Variants in C10orf71 observed in about 807,000 individuals in gnomAD.
C10orf71 encodes the protein cardiac-enriched FHL2-interacting protein.
For synonymous variants in C10orf71, 758 were observed against 726.3 expected (o/e 1.04, Z -0.70); for missense variants, 1,869 against 1,804.5 (o/e 1.04, Z -0.65).
chr10:49,299,670 G>C (rs139400363), intron 1 of C10orf71, among the ~76,000 whole-genome samples: 1 of 152,196 alleles, frequency 6.6e-6, no homozygotes, highest in African/African-American at 2.4e-5. Context: ...ACCCGGAACC[G>C]TGTACATGTG....
chr10:49,308,449 C>T (rs542425292), intron 1 of C10orf71, among the ~76,000 whole-genome samples: 28 of 152,286 alleles, frequency 1.8e-4, no homozygotes, highest in African/African-American at 5.8e-4. Context: ...CAAGCCAGGC[C>T]AGGCTGCAGG....
chr10:49,314,987 G>A (rs1848975041), intron 1 of C10orf71, among the ~76,000 whole-genome samples: 1 of 152,284 alleles, frequency 6.6e-6, no homozygotes, highest in Admixed American at 6.5e-5. Flanking sequence ...AGTGAGGAGG[G>A]AAAGCAGCGA....
Position 49,323,846 on chromosome 10 carries a change from A to G in C10orf71, c.1301A>G (p.Asn434Ser). The change falls in exon 3 of 3, where the codon AAT (asparagine) becomes AGT (serine). Residue 434 changes from asparagine to serine, a missense_variant. Transcript: ENST00000374144. ...GCTCTTGACCTGCCTGTGGAACCCA[A>G]TGAACATTATGATCCCCCCTTTAAC... ...NNALDLPVEPNEHYDPPFNIS... is the reference protein window; with the variant it reads ...NNALDLPVEPSEHYDPPFNIS... 6.2e-7 allele frequency: 1 copy of G among 1,613,906 alleles called. No homozygotes were observed. The highest frequency in any genetic ancestry group is 8.5e-7 in the Non-Finnish European group (1 of 1,179,868).
chr10:49,299,947 C>T (rs1311980823), intron 1 of C10orf71, among the ~76,000 whole-genome samples: 1 of 152,238 alleles, frequency 6.6e-6, no homozygotes. Context: ...ACAAAGCCCG[C>T]CACAGGCTGC....
intron 2 of C10orf71, among the ~76,000 whole-genome samples, chr10:49,317,006 T>A (rs546738052): frequency 6.6e-6 from 1 of 152,224 alleles, no homozygotes; most frequent in South Asian, 2.1e-4. Context: ...GTTGACTCTA[T>A]CTAAGCTTCT....
rs758192662 is a variant in C10orf71, at chr10:49,323,360, G to C, written c.815G>C (p.Ser272Thr). 10 of 1,613,944 alleles carry C rather than the reference G, an allele frequency of 6.2e-6. No homozygotes were observed. The South Asian group carries it at 9.9e-5, about 16-fold the overall frequency. ...AGAGGCAAAGGTACCTTTCTGCACA[G>C]TGAAAATAGTGCTTTTGAGTCATGG... ...PGRGKGTFLH[S>T]ENSAFESWNA... is the part of the protein sequence containing the mutation. The change falls in exon 3 of 3, where the codon AGT becomes ACT. Residue 272 changes from serine to threonine, a missense_variant. Coordinates refer to ENST00000374144, the MANE Select transcript of C10orf71 (RefSeq NM_001135196.2).
At chr10:49,309,977 G>A (rs779581352) in intron 1 of C10orf71, among the ~76,000 whole-genome samples, 11 of 152,158 alleles carry the variant, frequency 7.2e-5, no homozygotes, top group Admixed American at 2.0e-4. Context: ...AAATTCACCC[G>A]AAGATCTTGG....
chr10:49,301,993 C>A (rs1356550648), intron 1 of C10orf71, among the ~76,000 whole-genome samples: 2 of 152,148 alleles, frequency 1.3e-5, no homozygotes, highest in African/African-American at 4.8e-5. Context: ...TCACTACTAA[C>A]CCCCTTCCCA....
At chr10:49,319,099 A>G (rs1590334778) in intron 2 of C10orf71, among the ~76,000 whole-genome samples, 1 of 152,346 alleles carries the variant, frequency 6.6e-6, no homozygotes, top group South Asian at 2.1e-4. Context: ...ACCCTGCCAG[A>G]TGTCCACTCT....
chr10:49,324,387 T>C lies in C10orf71; in HGVS notation c.1842T>C (p.Tyr614=). Residue 614 remains tyrosine, a synonymous_variant, in exon 3 of 3, where the codon TAT becomes TAC. Transcript: ENST00000374144. ...GGGAGGCTGCTGAGAGAAGCAGTTA[T>C]GAGAACAAGGAGGTGGAAGGAGAGT... ...VNGEAAERSS[Y]ENKEVEGELE... is the part of the protein sequence containing the mutation. 6 of 1,612,900 alleles carry C rather than the reference T, an allele frequency of 3.7e-6. No individual in the cohort carries two copies. Among genetic ancestry groups the C allele is most frequent in the Non-Finnish European group, 5.1e-6 (6 of 1,179,340 alleles).
intron 1 of C10orf71, among the ~76,000 whole-genome samples, chr10:49,308,293 G>A (rs1381528818): frequency 1.3e-5 from 2 of 152,216 alleles, no homozygotes; most frequent in African/African-American, 2.4e-5. Flanking sequence ...CTCCCACCAG[G>A]CCAACACTGC....
rs776798913 is a variant in C10orf71 at position 49,324,603 on chromosome 10, A to G, written c.2058A>G (p.Ala686=). The G allele has an allele frequency of 1.9e-6, 3 of 1,613,986 alleles. No individual in the cohort carries two copies. Among genetic ancestry groups the G allele is most frequent in the Non-Finnish European group, 2.5e-6 (3 of 1,179,866 alleles). The change falls in exon 3 of 3, where the codon GCA becomes GCG. Residue 686 remains alanine (A), a synonymous_variant. Coordinates refer to ENST00000374144, the MANE Select transcript of C10orf71 (RefSeq NM_001135196.2). ...VSQETEPERE[A]GLQNTHLNQK... ...AAGAGACAGAACCTGAGAGGGAAGC[A>G]GGACTTCAGAACACACATTTGAACC...
At chr10:49,308,547 ATC>A (rs1848856739) in intron 1 of C10orf71, among the ~76,000 whole-genome samples, 1 of 152,186 alleles carries the variant, frequency 6.6e-6, no homozygotes, top group Non-Finnish European at 1.5e-5. Context: ...TGTATATCAA[ATC>A]TCTGCTTTAC....
chr10:49,309,193 C>A (rs1407579478), intron 1 of C10orf71, among the ~76,000 whole-genome samples: 3 of 152,206 alleles, frequency 2.0e-5, no homozygotes, highest in African/African-American at 7.2e-5. Flanking sequence ...CTGTTGGCTG[C>A]TATGGGCTGA....
upstream of C10orf71, among the ~76,000 whole-genome samples, chr10:49,297,451 G>C (rs368519100): frequency 1.3e-5 from 2 of 151,976 alleles, no homozygotes; most frequent in East Asian, 3.9e-4. Context: ...TTCTGTTCAA[G>C]AAAAAAAGCA....
Position 49,326,956 on chromosome 10 carries a change from C to CACACACACAT in C10orf71, c.*109_*110insACATACACAC, listed in dbSNP as rs772154636. The CACACACACAT allele has an allele frequency of 9.5e-6, 15 of 1,587,168 alleles. No individual in the cohort carries two copies. In the African/African-American group the frequency reaches 1.9e-4, roughly 20 times the overall value. ...ACACACACACACACACACACACACA[C>CACACACACAT]ACACACGATCATCAACACATACTTA... On this transcript the variant is annotated 3_prime_UTR_variant, in exon 3 of 3. Coordinates refer to ENST00000374144, the MANE Select transcript of C10orf71 (RefSeq NM_001135196.2).
Position 49,325,635 on chromosome 10 carries a change from T to C in C10orf71, c.3090T>C (p.Gly1030=). The change falls in exon 3 of 3, where the codon GGT becomes GGC. Residue 1030 remains glycine, a synonymous_variant. Transcript: ENST00000374144. ...ACTGTTGGGAAGAGCAAACACCAGG[T>C]TTCAAGAGTCACTTTTTGTCCACAC... The part of the protein sequence containing the change: ...PENCWEEQTP[G]FKSHFLSTPR... 3 of 1,551,902 alleles carry C rather than the reference T, an allele frequency of 1.9e-6. No homozygotes were observed. The highest frequency in any genetic ancestry group is 1.4e-5 in the African/African-American group (1 of 73,080).
rs1849237968 is a variant in C10orf71 at position 49,326,147 on chromosome 10, A to T, written c.3602A>T (p.His1201Leu). The change falls in exon 3 of 3, where the codon CAT (histidine) becomes CTT (leucine). Residue 1201 changes from histidine to leucine, a missense_variant. Coordinates refer to ENST00000374144, the MANE Select transcript of C10orf71 (RefSeq NM_001135196.2). ...AAGACGGATCAGGCTCAGGAGAAGC[A>T]TGGCGAGTCACAGGAGGGAAAGCCC... The part of the protein sequence containing the change: ...RRKTDQAQEK[H>L]GESQEGKPCP... 3 of 1,551,712 alleles carry T rather than the reference A, an allele frequency of 1.9e-6. No individual in the cohort carries two copies. Among genetic ancestry groups the T allele is most frequent in the Non-Finnish European group, 2.6e-6 (3 of 1,146,994 alleles).
In C10orf71 at chr10:49,323,590, T is replaced by G. The variant is rs780358490; in HGVS notation, c.1045T>G (p.Trp349Gly). ...AGGGGCTCTGTCCACATCTATACCC[T>G]GGGGGTGCAGGGATCCAGGAGCCCA... Reference protein sequence around the residue: ...AAGALSTSIPWGCRDPGAQVF... With the variant: ...AAGALSTSIPGGCRDPGAQVF... The change falls in exon 3 of 3, where the codon TGG becomes GGG. Residue 349 changes from tryptophan to glycine, a missense_variant. Coordinates refer to ENST00000374144, the MANE Select transcript of C10orf71 (RefSeq NM_001135196.2). 1.9e-6 allele frequency: 3 copies of G among 1,602,308 alleles called. No individual in the cohort carries two copies. The highest frequency in any genetic ancestry group is 2.2e-5 in the South Asian group (2 of 89,036).
Sources: gnomAD v4.1 joint callset for allele counts (sites outside exome capture counted in the v4.1 genomes callset) on GRCh38, gnomAD v4.1.1 for gene constraint, MANE v1.5 for transcripts, NCBI Gene and HGNC (gene_info 2026-07-23, HGNC 2026-07-21) for gene names.